Variants in KCNIP4 observed in about 807,000 individuals in gnomAD.
KCNIP4 encodes Kv channel-interacting protein 4.
KCNIP4 carries 12 observed loss-of-function variants against 34.0 expected under a neutral mutation model. The observed-to-expected ratio is 0.35, with a 90% CI of 0.23 to 0.57. The LOEUF is 0.57. Ranked by LOEUF, KCNIP4 falls within the 20% of genes least tolerant of loss-of-function variation. The pLI is 0.83. For missense variants in KCNIP4, 238 were observed against 311.7 expected (o/e 0.76, Z 1.78); for synonymous variants, 124 against 102.2 (o/e 1.21, Z -1.29).
intron 1 of KCNIP4, among the ~76,000 whole-genome samples, chr4:21,445,078 G>A (rs371804328): frequency 1.1e-3 from 160 of 152,244 alleles, no homozygotes; most frequent in Non-Finnish European, 1.7e-3. Flanking sequence ...GGATGTGAAG[G>A]ACCTCTTCAA....
At chr4:21,612,503 AAGG>A (rs1441769709) in intron 1 of KCNIP4, among the ~76,000 whole-genome samples, 1 of 152,246 alleles carries the variant, frequency 6.6e-6, no homozygotes, top group Admixed American at 6.5e-5. Flanking sequence ...TGGAATTTTA[AAGG>A]AGAAGTCTGG....
intron 1 of KCNIP4, among the ~76,000 whole-genome samples, chr4:21,874,597 T>TC (rs1211920881): frequency 2.0e-5 from 3 of 152,122 alleles, no homozygotes; most frequent in African/African-American, 4.8e-5. Context: ...AAAGGCTTCT[T>TC]CCCCTCTCAG....
intron 1 of KCNIP4, among the ~76,000 whole-genome samples, chr4:21,235,588 G>A (rs192282078): frequency 6.6e-5 from 10 of 152,164 alleles, no homozygotes; most frequent in Non-Finnish European, 1.0e-4. Flanking sequence ...GACCCACTCC[G>A]TCCTTCTCTA....
chr4:21,614,245 T>C (rs1201027893), intron 1 of KCNIP4, among the ~76,000 whole-genome samples: 2 of 151,990 alleles, frequency 1.3e-5, no homozygotes, highest in Non-Finnish European at 2.9e-5. Context: ...GTGAATTTTA[T>C]TCATGCAGAC....
chr4:21,297,817 A>C (rs1763929850), intron 1 of KCNIP4, among the ~76,000 whole-genome samples: 1 of 152,152 alleles, frequency 6.6e-6, no homozygotes, highest in Non-Finnish European at 1.5e-5. Flanking sequence ...GAAGCAAAAA[A>C]AAAATGAATC....
At chr4:21,655,694 G>A (rs1289383743) in intron 1 of KCNIP4, among the ~76,000 whole-genome samples, 1 of 152,148 alleles carries the variant, frequency 6.6e-6, no homozygotes, top group Non-Finnish European at 1.5e-5. Context: ...CCAAGCTTCT[G>A]ATCACTATCC....
intron 1 of KCNIP4, among the ~76,000 whole-genome samples, chr4:21,515,261 G>A (rs576877170): frequency 3.3e-5 from 5 of 152,248 alleles, no homozygotes; most frequent in Admixed American, 3.3e-4. Context: ...GCATTTATAA[G>A]TTTCTTTCTC....
Position 21,878,539 on chromosome 4 carries a change from T to C in KCNIP4, c.61+70032A>G, listed in dbSNP as rs535731932. On this transcript the variant is annotated intron_variant, in intron 1 of 8. Coordinates refer to ENST00000382152, the MANE Select transcript of KCNIP4 (RefSeq NM_025221.6). The stretch of plus-strand genomic sequence containing the variant: ...TCACCCTTTCAAGAAGTATGTACTT[T>C]CTCTGCAAATTAATGTTCCTGGTCC... 3.3e-5 allele frequency among the ~76,000 whole-genome samples: 5 copies of C among 152,348 alleles called. No homozygotes were observed. The South Asian group carries it at 8.3e-4, about 25-fold the overall frequency.
At chr4:21,740,966 T>A (rs1716359217) in intron 1 of KCNIP4, among the ~76,000 whole-genome samples, 1 of 152,076 alleles carries the variant, frequency 6.6e-6, no homozygotes, top group South Asian at 2.1e-4. Context: ...GAAAATATGT[T>A]GGTGTTACCA....
intron 1 of KCNIP4, among the ~76,000 whole-genome samples, chr4:21,709,127 C>G (rs1542916): frequency 0.068 from 10,370 of 151,606 alleles, 941 homozygotes; most frequent in African/African-American, 0.21. Context: ...GAGGTGAGAT[C>G]CCCAAAAAAA....
intron 1 of KCNIP4, among the ~76,000 whole-genome samples, chr4:21,567,846 A>T (rs34030469): frequency 0.096 from 14,589 of 152,154 alleles, 799 homozygotes; most frequent in Middle Eastern, 0.19. Flanking sequence ...GTGATAACTC[A>T]TACCTCATCT....
At chr4:21,235,921 G>A (rs1366302196) in intron 1 of KCNIP4, among the ~76,000 whole-genome samples, 1 of 152,134 alleles carries the variant, frequency 6.6e-6, no homozygotes, top group Non-Finnish European at 1.5e-5. Context: ...GAGATTCAAG[G>A]AAAGGAGAAA....
At chr4:21,685,855 A>T (rs1306179115) in intron 1 of KCNIP4, among the ~76,000 whole-genome samples, 1 of 152,192 alleles carries the variant, frequency 6.6e-6, no homozygotes, top group Non-Finnish European at 1.5e-5. Flanking sequence ...CTTTTACTTG[A>T]AGATAGGCTA....
intron 1 of KCNIP4, among the ~76,000 whole-genome samples, chr4:21,892,536 C>CAAAA (rs1727158571): frequency 1.1e-5 from 1 of 88,446 alleles, no homozygotes; most frequent in African/African-American, 4.6e-5. Flanking sequence ...AAAAAAAAAG[C>CAAAA]AAAAGCAAAA....
At chr4:20,894,474 G>A (rs1217920092) in intron 1 of KCNIP4, among the ~76,000 whole-genome samples, 1 of 152,110 alleles carries the variant, frequency 6.6e-6, no homozygotes, top group Non-Finnish European at 1.5e-5. Flanking sequence ...CCTGACCACT[G>A]CCTTTTAATA....
intron 1 of KCNIP4, among the ~76,000 whole-genome samples, chr4:21,546,080 G>T (rs1738128230): frequency 6.6e-6 from 1 of 152,046 alleles, no homozygotes; most frequent in African/African-American, 2.4e-5. Flanking sequence ...TTGGGGTTTT[G>T]ATCAGGATCT....
chr4:21,472,247 G>T (rs1478624449), intron 1 of KCNIP4, among the ~76,000 whole-genome samples: 1 of 152,062 alleles, frequency 6.6e-6, no homozygotes, highest in African/African-American at 2.4e-5. Context: ...GAGCAGATAA[G>T]AAGCAAGCAT....
chr4:20,979,403 T>C lies in KCNIP4; in HGVS notation c.62-96694A>G, dbSNP rs183977310. 6.6e-3 allele frequency among the ~76,000 whole-genome samples: 983 copies of C among 149,238 alleles called. 13 individuals carry two copies. Among genetic ancestry groups the C allele is most frequent in the African/African-American group, 0.022 (902 of 40,450 alleles). Reference sequence around the variant, plus strand: ...ATCTCTGCTTCCACTTTCTTTCTTTTTTTTTTTTTTTTTGAGATGGAGTCT... The same window carrying C: ...ATCTCTGCTTCCACTTTCTTTCTTTCTTTTTTTTTTTTTGAGATGGAGTCT... On this transcript the variant is annotated intron_variant, in intron 1 of 8. Coordinates refer to ENST00000382152, the MANE Select transcript of KCNIP4 (RefSeq NM_025221.6).
At chr4:21,050,635 T>G (rs1238974185) in intron 1 of KCNIP4, among the ~76,000 whole-genome samples, 4 of 152,216 alleles carry the variant, frequency 2.6e-5, no homozygotes, top group African/African-American at 9.6e-5. Context: ...TATGGCATTA[T>G]GGCATAAGGC....
Sources: allele counts gnomAD v4.1 joint callset (sites outside exome capture counted in the v4.1 genomes callset), GRCh38; gene constraint gnomAD v4.1.1; transcripts MANE v1.5; gene names NCBI Gene and HGNC (gene_info 2026-07-23, HGNC 2026-07-21).